The following EFR3A variants were observed in gnomAD, a reference collection of about 807,000 sequenced individuals.
EFR3A encodes EFR3 homolog A, also known as protein EFR3 homolog A.
EFR3A carries 76 observed loss-of-function variants against 104.4 expected under a neutral mutation model. That is an observed-to-expected ratio of 0.73 (90% CI 0.60 to 0.88). The LOEUF (loss-of-function observed/expected upper bound fraction) is 0.88, where lower values mean the gene tolerates loss of function less well. Among genes scored for constraint, EFR3A ranks in the 40% least tolerant of loss-of-function variants. The pLI is 0.00. For missense variants in EFR3A, 985 were observed against 1,012.5 expected (o/e 0.97, Z 0.37); for synonymous variants, 330 against 330.0 (o/e 1.00, Z 0.00).
At chr8:131,908,292 C>A (rs2130367477) in intron 1 of EFR3A, among the ~76,000 whole-genome samples, 1 of 152,186 alleles carries the variant, frequency 6.6e-6, no homozygotes, top group Admixed American at 6.5e-5. Context: ...AATCTCCTGA[C>A]CTCGTGATCC....
intron 8 of EFR3A, among the ~76,000 whole-genome samples, chr8:131,968,050 T>G (rs1242662972): frequency 2.6e-5 from 4 of 152,150 alleles, no homozygotes; most frequent in Non-Finnish European, 5.9e-5. Context: ...AAAAACTAGA[T>G]TGAATTTTAT....
chr8:131,956,084 A>G (rs761355768), intron 7 of EFR3A, among the ~76,000 whole-genome samples, 179 bp downstream of exon 7: 5 of 152,246 alleles, frequency 3.3e-5, no homozygotes, highest in Admixed American at 6.5e-5. Flanking sequence ...CAGTGGTTCA[A>G]TTACTTAATT....
Position 131,989,740 on chromosome 8 carries a change from G to C in EFR3A, c.2065+2038G>C, listed in dbSNP as rs568222905. ...TCAAAGGGTAGAAAGGTGTTAAGAT[G>C]CAATTCTTATCCTCAAGGAATACAA... is the stretch of plus-strand genomic sequence containing the variant. On this transcript the variant is annotated intron_variant, in intron 18 of 22. Transcript: ENST00000254624. 6.6e-5 allele frequency among the ~76,000 whole-genome samples: 10 copies of C among 152,210 alleles called. No homozygotes were observed. In the East Asian group the frequency reaches 1.9e-3, roughly 29 times the overall value.
At chr8:131,970,751 T>C in intron 10 of EFR3A, 108 bp downstream of exon 10, 1 of 1,121,300 alleles carries the variant, frequency 8.9e-7, no homozygotes, top group Non-Finnish European at 1.2e-6. Flanking sequence ...GAATGATAGC[T>C]TAAATTTCTG....
chr8:131,955,783 T>G lies in EFR3A; in HGVS notation c.654T>G (p.Pro218=), dbSNP rs760926576. The G allele has an allele frequency of 3.7e-6, 6 of 1,612,750 alleles. No homozygotes were observed. The East Asian group carries it at 6.7e-5, about 18-fold the overall frequency. The change falls in exon 7 of 23, where the codon CCT becomes CCG. Residue 218 remains proline (P), a synonymous_variant. Coordinates refer to ENST00000254624, the MANE Select transcript of EFR3A (RefSeq NM_015137.6). ...IEEVDSRIGP[P]SSPSATDKEE... The stretch of plus-strand genomic sequence containing the variant: ...TCCTTTTTAGTCGCATAGGCCCTCC[T>G]TCTTCTCCTTCTGCAACTGACAAAG...
At chr8:131,912,698 A>C (rs1245643518) in intron 1 of EFR3A, among the ~76,000 whole-genome samples, 1 of 152,072 alleles carries the variant, frequency 6.6e-6, no homozygotes, top group Non-Finnish European at 1.5e-5. Flanking sequence ...GCTCAACATA[A>C]TTTTTTCAAC....
chr8:131,976,744 A>C (rs1820344152), intron 11 of EFR3A, among the ~76,000 whole-genome samples: 1 of 152,078 alleles, frequency 6.6e-6, no homozygotes, highest in Non-Finnish European at 1.5e-5. Context: ...TCTCCAATTT[A>C]AGGTACCTTA....
intron 21 of EFR3A, 46 bp downstream of exon 21, chr8:132,002,752 G>C: frequency 6.8e-7 from 1 of 1,481,012 alleles, no homozygotes; most frequent in Non-Finnish European, 9.4e-7. Flanking sequence ...CTGTTGTTTT[G>C]TGGAAACTCT....
At position 131,992,031 on chromosome 8, in the gene EFR3A, CTTTTT is replaced by C. The variant is rs764829455; in HGVS notation, c.2065+4331_2065+4335del. Reference sequence around the variant, plus strand: ...TTTCCTGCCCCCATACTTGTCTTTTCTTTTTTATTATTGGCTTCAACATGACTCTC... The same window carrying C: ...TTTCCTGCCCCCATACTTGTCTTTTCTATTATTGGCTTCAACATGACTCTC... On this transcript the variant is annotated intron_variant, in intron 18 of 22. Transcript: ENST00000254624. Among the ~76,000 whole-genome samples the C allele has an allele frequency of 4.3e-4, 66 of 152,190 alleles. 1 individual carries two copies. The highest frequency in any genetic ancestry group is 3.4e-3 in the Middle Eastern group (1 of 294).
chr8:131,983,914 A>G (rs1019891301), intron 14 of EFR3A, among the ~76,000 whole-genome samples: 14 of 152,098 alleles, frequency 9.2e-5, no homozygotes, highest in Non-Finnish European at 8.8e-5. Context: ...TTTACTGGTT[A>G]TTTTTATTTA....
chr8:131,927,293 A>T (rs531916682), intron 1 of EFR3A, among the ~76,000 whole-genome samples: 48 of 152,292 alleles, frequency 3.2e-4, no homozygotes, highest in Non-Finnish European at 5.4e-4. Context: ...TTCTTCATAC[A>T]TGTTAGTTTG....
chr8:131,979,497 T>A, intron 14 of EFR3A, 76 bp downstream of exon 14: 1 of 1,041,246 alleles, frequency 9.6e-7, no homozygotes, highest in Non-Finnish European at 1.4e-6. Flanking sequence ...TTTATATTGA[T>A]CTGTGCCCTT....
chr8:131,946,701 A>G, intron 4 of EFR3A, 68 bp downstream of exon 4: 1 of 1,392,928 alleles, frequency 7.2e-7, no homozygotes, highest in Non-Finnish European at 9.4e-7. Flanking sequence ...TACTTCTTAG[A>G]ATGACTTTAC....
intron 18 of EFR3A, among the ~76,000 whole-genome samples, chr8:131,991,179 C>T (rs1173170238): frequency 6.6e-6 from 1 of 152,088 alleles, no homozygotes; most frequent in Non-Finnish European, 1.5e-5. Context: ...AAAGCAGAAA[C>T]CCCTGATAAA....
At chr8:131,951,197 A>G (rs1251738381) in intron 5 of EFR3A, among the ~76,000 whole-genome samples, 1 of 152,150 alleles carries the variant, frequency 6.6e-6, no homozygotes, top group African/African-American at 2.4e-5. Context: ...ACTTGGAGAA[A>G]GAAAGCTTAA....
chr8:131,986,903 TAA>T (rs1820916136), intron 17 of EFR3A, among the ~76,000 whole-genome samples: 1 of 152,070 alleles, frequency 6.6e-6, no homozygotes. Context: ...ATCAAACCTT[TAA>T]GAGAGTACAG....
chr8:131,966,895 T>G (rs1819769800), intron 8 of EFR3A, among the ~76,000 whole-genome samples: 1 of 152,186 alleles, frequency 6.6e-6, no homozygotes, highest in Non-Finnish European at 1.5e-5. Flanking sequence ...TTTCACTCCA[T>G]ATTCTTTTGT....
intron 18 of EFR3A, among the ~76,000 whole-genome samples, chr8:131,988,449 T>C (rs979453172): frequency 1.2e-4 from 18 of 151,784 alleles, no homozygotes; most frequent in Non-Finnish European, 1.8e-4. Context: ...TGTAAATGGC[T>C]TTTTTTTAAT....
chr8:131,926,759 A>G (rs995406042), intron 1 of EFR3A, among the ~76,000 whole-genome samples: 1 of 152,140 alleles, frequency 6.6e-6, no homozygotes, highest in African/African-American at 2.4e-5. Flanking sequence ...AACTGAGGCT[A>G]TGAATGTGTG....
Sources: gnomAD v4.1 joint callset for allele counts (sites outside exome capture counted in the v4.1 genomes callset) on GRCh38, gnomAD v4.1.1 for gene constraint, MANE v1.5 for transcripts, NCBI Gene and HGNC (gene_info 2026-07-23, HGNC 2026-07-21) for gene names.